Variants in VAV3 observed in about 807,000 individuals in gnomAD.
The protein encoded by VAV3 is guanine nucleotide exchange factor VAV3.
In VAV3, 94 loss-of-function variants were observed where a neutral mutation model predicts 131.2. The observed-to-expected ratio is 0.72, with a 90% CI of 0.61 to 0.85. The LOEUF (loss-of-function observed/expected upper bound fraction) is 0.85, where lower values mean the gene tolerates loss of function less well. Ranked by LOEUF, VAV3 falls within the 40% of genes least tolerant of loss-of-function variation. The pLI is 0.00. For missense variants in VAV3, 939 were observed against 1,002.7 expected (o/e 0.94, Z 0.86); for synonymous variants, 349 against 342.0 (o/e 1.02, Z -0.22).
chr1:107,830,191 A>G (rs1407079866), intron 2 of VAV3, among the ~76,000 whole-genome samples: 2 of 152,064 alleles, frequency 1.3e-5, no homozygotes, highest in Non-Finnish European at 2.9e-5. Context: ...TTTAGTGAAT[A>G]AGACATAATT....
At chr1:107,595,705 TGAAA>T (rs1233969521) in intron 25 of VAV3, among the ~76,000 whole-genome samples, 2 of 152,172 alleles carry the variant, frequency 1.3e-5, no homozygotes, top group African/African-American at 4.8e-5. Flanking sequence ...CAGCTCATTC[TGAAA>T]GAAAGTGGCC....
intron 2 of VAV3, chr1:107,785,740 T>C: frequency 1.2e-6 from 1 of 850,708 alleles, no homozygotes; most frequent in Non-Finnish European, 1.4e-6. Flanking sequence ...GCATAGTCTG[T>C]AGACCAGGTC....
chr1:107,960,447 C>A (rs990013889), intron 1 of VAV3, among the ~76,000 whole-genome samples: 2 of 150,726 alleles, frequency 1.3e-5, no homozygotes, highest in East Asian at 2.0e-4. Context: ...ACTTGGGCTA[C>A]ACAGTAAGAC....
chr1:107,690,193 C>T (rs1244262932), intron 17 of VAV3, among the ~76,000 whole-genome samples: 1 of 152,132 alleles, frequency 6.6e-6, no homozygotes, highest in Non-Finnish European at 1.5e-5. Flanking sequence ...TAGGTCCTTG[C>T]AAAGTAAGTC....
At chr1:107,960,634 T>C (rs1213117512) in intron 1 of VAV3, among the ~76,000 whole-genome samples, 1 of 152,132 alleles carries the variant, frequency 6.6e-6, no homozygotes. Context: ...TTTCCCACTC[T>C]TTCCCACACT....
At chr1:107,697,175 G>A (rs1659796653) in intron 17 of VAV3, among the ~76,000 whole-genome samples, 1 of 152,162 alleles carries the variant, frequency 6.6e-6, no homozygotes, top group Non-Finnish European at 1.5e-5. Context: ...AGAAGGTACA[G>A]GCTACTGATG....
chr1:107,930,084 G>A (rs975092626), intron 1 of VAV3, among the ~76,000 whole-genome samples: 2 of 151,558 alleles, frequency 1.3e-5, no homozygotes, highest in South Asian at 4.2e-4. Flanking sequence ...ATGGTTAATG[G>A]GTACAAAAAA....
At chr1:107,611,328 T>C (rs959676802) in intron 21 of VAV3, among the ~76,000 whole-genome samples, 1 of 152,144 alleles carries the variant, frequency 6.6e-6, no homozygotes, top group African/African-American at 2.4e-5. Flanking sequence ...ATCCTATGGA[T>C]TACATTTTTA....
At chr1:107,847,247 A>C (rs1439712659) in intron 2 of VAV3, among the ~76,000 whole-genome samples, 1 of 152,236 alleles carries the variant, frequency 6.6e-6, no homozygotes, top group Non-Finnish European at 1.5e-5. Flanking sequence ...ACAATGTGCC[A>C]GAATCTCTGG....
At chr1:107,699,411 C>T (rs533092752) in intron 17 of VAV3, among the ~76,000 whole-genome samples, 6 of 152,360 alleles carry the variant, frequency 3.9e-5, no homozygotes, top group South Asian at 2.1e-4. Flanking sequence ...GCCCCTATGG[C>T]GTTGCAGGGT....
chr1:107,793,775 A>T (rs1042243873), intron 2 of VAV3, among the ~76,000 whole-genome samples: 3 of 152,212 alleles, frequency 2.0e-5, no homozygotes, highest in African/African-American at 7.2e-5. Flanking sequence ...GTATGTTAAG[A>T]ACCCTAATCT....
chr1:107,753,549 T>TATGTATATATATATACACACAC, intron 12 of VAV3, among the ~76,000 whole-genome samples: 1 of 82,066 alleles, frequency 1.2e-5, no homozygotes, highest in East Asian at 3.8e-4. Flanking sequence ...TATATATATA[T>TATGTATATATATATACACACAC]ACACACACAC....
chr1:107,802,167 T>A (rs1248318898), intron 2 of VAV3, among the ~76,000 whole-genome samples: 1 of 152,106 alleles, frequency 6.6e-6, no homozygotes, highest in Non-Finnish European at 1.5e-5. Flanking sequence ...CACTGTTGGC[T>A]TACATAAATG....
At chr1:107,645,255 T>C (rs558802775) in intron 19 of VAV3, among the ~76,000 whole-genome samples, 4 of 152,102 alleles carry the variant, frequency 2.6e-5, no homozygotes, top group South Asian at 2.1e-4. Flanking sequence ...TTACAAAGTA[T>C]AGTGTTTCTT....
intron 12 of VAV3, among the ~76,000 whole-genome samples, chr1:107,752,123 C>T (rs981044746): frequency 6.6e-6 from 1 of 152,222 alleles, no homozygotes; most frequent in Non-Finnish European, 1.5e-5. Flanking sequence ...CAAAATCATG[C>T]GGCACTGGCA....
At chr1:107,810,773 T>C (rs1052462432) in intron 2 of VAV3, among the ~76,000 whole-genome samples, 1 of 151,998 alleles carries the variant, frequency 6.6e-6, no homozygotes, top group African/African-American at 2.4e-5. Flanking sequence ...CAGGATATCC[T>C]GAGATCATCC....
At chr1:107,711,156 A>C (rs1209008996) in intron 15 of VAV3, among the ~76,000 whole-genome samples, 3 of 152,198 alleles carry the variant, frequency 2.0e-5, no homozygotes, top group Non-Finnish European at 4.4e-5. Flanking sequence ...CTATCAGGAA[A>C]AACTAAGAGA....
chr1:107,617,590 C>T lies in VAV3; in HGVS notation c.1957G>A (p.Asp653Asn). 1 of 1,612,656 alleles carries T rather than the reference C, an allele frequency of 6.2e-7. No individual in the cohort carries two copies. The highest frequency in any genetic ancestry group is 8.5e-7 in the Non-Finnish European group (1 of 1,179,342). ...ASGEVGFFPS[D>N]AVKPCPCVPK... The stretch of plus-strand genomic sequence containing the variant: ...ACACATGGGCAAGGCTTGACTGCAT[C>T]ACTTGGAAAAAATCCAACCTCTCCA... The change falls in exon 21 of 27, where the codon GAT becomes AAT. Residue 653 changes from aspartate to asparagine, a missense_variant. Transcript: ENST00000370056.
intron 1 of VAV3, among the ~76,000 whole-genome samples, chr1:107,915,722 C>T (rs1407780238): frequency 6.6e-6 from 1 of 152,206 alleles, no homozygotes; most frequent in Admixed American, 6.5e-5. Context: ...GAGCCTAGCT[C>T]AGTCCCTGAC....
Sources: allele counts gnomAD v4.1 joint callset (sites outside exome capture counted in the v4.1 genomes callset), GRCh38; gene constraint gnomAD v4.1.1; transcripts MANE v1.5; gene names NCBI Gene and HGNC (gene_info 2026-07-23, HGNC 2026-07-21).